The following ARHGEF28 variants were observed in gnomAD, a reference collection of about 807,000 sequenced individuals.
ARHGEF28 encodes Rho guanine nucleotide exchange factor 28, also known as 190 kDa guanine nucleotide exchange factor.
In ARHGEF28, 152 loss-of-function variants were observed where a neutral mutation model predicts 206.6. That is an observed-to-expected ratio of 0.74 (90% CI 0.64 to 0.84). ARHGEF28 has a LOEUF of 0.84. Among genes scored for constraint, ARHGEF28 ranks in the 40% least tolerant of loss-of-function variants. ARHGEF28 has a pLI of 0.00. For missense variants in ARHGEF28, 2,028 were observed against 2,073.2 expected, an observed-to-expected ratio of 0.98 and a Z score of 0.42; for synonymous variants, 763 against 776.4, an observed-to-expected ratio of 0.98 and a Z score of 0.29.
At chr5:73,792,662 T>TTA (rs1554064149) in intron 7 of ARHGEF28, among the ~76,000 whole-genome samples, 3 of 150,462 alleles carry the variant, frequency 2.0e-5, no homozygotes, top group Non-Finnish European at 4.4e-5. Flanking sequence ...TTTTTTTTTT[T>TTA]AACGCCTTTG....
intron 24 of ARHGEF28, among the ~76,000 whole-genome samples, chr5:73,885,474 ATTT>A (rs747988864): frequency 1.4e-5 from 2 of 138,068 alleles, no homozygotes; most frequent in Middle Eastern, 3.8e-3. Flanking sequence ...ATAGGATTTA[ATTT>A]TTTTTTTTTT....
Position 73,898,186 on chromosome 5 carries a change from T to C in ARHGEF28, c.3973+93T>C, listed in dbSNP as rs563312725. The C allele has an allele frequency of 1.2e-5, 17 of 1,441,232 alleles. No homozygotes were observed. In the South Asian group the frequency reaches 1.6e-4, roughly 14 times the overall value. 89.3% of individuals were successfully genotyped at this position (1,441,232 alleles called of 1,614,324 possible). ...AAGTAAAGGCAATGACTGTCTCTGGTTGAAGGGGACTTGATATATTTTTTT... is the reference window on the plus strand; with the variant it reads ...AAGTAAAGGCAATGACTGTCTCTGGCTGAAGGGGACTTGATATATTTTTTT... On this transcript the variant is annotated intron_variant, in intron 30 of 35. Transcript: ENST00000513042.
At chr5:73,636,560 C>G (rs1307284415) in intron 1 of ARHGEF28, among the ~76,000 whole-genome samples, 2 of 152,096 alleles carry the variant, frequency 1.3e-5, no homozygotes, top group African/African-American at 4.8e-5. Flanking sequence ...GAAAAACAGT[C>G]TCTTTAGTGT....
intron 35 of ARHGEF28, among the ~76,000 whole-genome samples, chr5:73,930,467 T>C (rs904095502): frequency 1.3e-5 from 2 of 152,240 alleles, no homozygotes; most frequent in Non-Finnish European, 2.9e-5. Flanking sequence ...TCACTCTTAA[T>C]TATATAGACA....
chr5:73,683,632 CCG>C (rs1281262048), intron 1 of ARHGEF28, among the ~76,000 whole-genome samples: 3 of 152,006 alleles, frequency 2.0e-5, no homozygotes, highest in Non-Finnish European at 4.4e-5. Flanking sequence ...GGCAGGCACA[CCG>C]AGAGGCAGAT....
chr5:73,940,858 C>G lies in ARHGEF28; in HGVS notation c.4963C>G (p.His1655Asp). The change falls in exon 36 of 36, where the codon CAC becomes GAC. Residue 1655 changes from histidine (H) to aspartate (D), a missense_variant. His to Asp is a moderately conservative substitution (Grantham distance 81). Around this residue, in one of 3 missense-constraint regions of ARHGEF28, gnomAD observed 803 missense variants for 768.0 expected, o/e 1.05. Coordinates refer to ENST00000513042, the MANE Select transcript of ARHGEF28 (RefSeq NM_001177693.2). ...GTTTCTTGCAGATTTGGACACCTCC[C>G]ACACTGAGTCCCCAACCCCCCATGA... ...DSCKNDLDTS[H>D]TESPTPHDSN... The G allele has an allele frequency of 2.6e-6, 4 of 1,518,106 alleles. No homozygotes were observed. The highest frequency in any genetic ancestry group is 3.5e-6 in the Non-Finnish European group (4 of 1,140,788). The allele number at this position is 1,518,106 out of a possible 1,614,324, so 94.0% of individuals were successfully genotyped here.
chr5:73,920,384 A>G (rs1252872189), intron 35 of ARHGEF28, among the ~76,000 whole-genome samples: 2 of 152,144 alleles, frequency 1.3e-5, no homozygotes, highest in Non-Finnish European at 2.9e-5. Context: ...GTATAGTACT[A>G]TATGTATCAG....
At chr5:73,765,617 G>C (rs1752851483) in intron 4 of ARHGEF28, among the ~76,000 whole-genome samples, 1 of 152,188 alleles carries the variant, frequency 6.6e-6, no homozygotes. Flanking sequence ...AAGAGTATCT[G>C]TATTTTATTC....
At chr5:73,826,457 T>C (rs1756910952) in intron 9 of ARHGEF28, among the ~76,000 whole-genome samples, 1 of 152,218 alleles carries the variant, frequency 6.6e-6, no homozygotes, top group African/African-American at 2.4e-5. Flanking sequence ...CGCTCTGGCA[T>C]CCAGAGTGGG....
At chr5:73,897,017 C>T (rs1169141154) in intron 29 of ARHGEF28, among the ~76,000 whole-genome samples, 1 of 152,206 alleles carries the variant, frequency 6.6e-6, no homozygotes, top group Non-Finnish European at 1.5e-5. Flanking sequence ...GAGTTATCTT[C>T]CGACAAAAAG....
chr5:73,780,784 T>A, intron 7 of ARHGEF28, 39 bp downstream of exon 7: 1 of 1,544,894 alleles, frequency 6.5e-7, no homozygotes, highest in Non-Finnish European at 8.8e-7. Context: ...AGCCACAGAG[T>A]GCTCTGGACC....
At chr5:73,853,174 T>C (rs895788050) in intron 14 of ARHGEF28, among the ~76,000 whole-genome samples, 2 of 152,266 alleles carry the variant, frequency 1.3e-5, no homozygotes, top group African/African-American at 4.8e-5. Flanking sequence ...ATCAGTTTCC[T>C]GGTTGAGATG....
intron 22 of ARHGEF28, among the ~76,000 whole-genome samples, chr5:73,881,912 A>G (rs1358111830): frequency 6.6e-6 from 1 of 152,180 alleles, no homozygotes; most frequent in Non-Finnish European, 1.5e-5. Context: ...GGTGTCTTTC[A>G]TCTTGGCTAA....
chr5:73,791,833 A>T (rs1754502272), intron 7 of ARHGEF28, among the ~76,000 whole-genome samples: 1 of 152,126 alleles, frequency 6.6e-6, no homozygotes, highest in South Asian at 2.1e-4. Flanking sequence ...TAGAGGAGTA[A>T]TCCTTACTTC....
At chr5:73,870,387 T>C (rs1760030852) in intron 21 of ARHGEF28, among the ~76,000 whole-genome samples, 178 bp downstream of exon 21, 1 of 152,200 alleles carries the variant, frequency 6.6e-6, no homozygotes, top group Admixed American at 6.5e-5. Context: ...AAAATGAGGA[T>C]AATATTAAAA....
intron 2 of ARHGEF28, among the ~76,000 whole-genome samples, chr5:73,722,338 A>C (rs1750009889): frequency 6.6e-6 from 1 of 152,208 alleles, no homozygotes; most frequent in African/African-American, 2.4e-5. Context: ...CTCTCTCTAA[A>C]ACTCAGAGAA....
intron 14 of ARHGEF28, among the ~76,000 whole-genome samples, chr5:73,853,222 A>G (rs1176826266): frequency 6.6e-6 from 1 of 152,224 alleles, no homozygotes; most frequent in African/African-American, 2.4e-5. Context: ...CTAGAAGGTA[A>G]AACTGTTGTT....
chr5:73,738,327 A>C (rs1365448042), intron 2 of ARHGEF28, among the ~76,000 whole-genome samples: 3 of 152,164 alleles, frequency 2.0e-5, no homozygotes, highest in African/African-American at 7.2e-5. Context: ...AGTTTGCTGT[A>C]ATGTAAGGGG....
At chr5:73,820,416 C>T (rs1340898550) in intron 9 of ARHGEF28, among the ~76,000 whole-genome samples, 2 of 148,432 alleles carry the variant, frequency 1.3e-5, no homozygotes, top group East Asian at 4.0e-4. Flanking sequence ...TGGAAAGTCC[C>T]AATCCTTCAA....
Sources: gnomAD v4.1 joint callset for allele counts (sites outside exome capture counted in the v4.1 genomes callset) on GRCh38, gnomAD v4.1.1 for gene constraint, gnomAD v4.1.1 regional missense constraint, MANE v1.5 for transcripts, NCBI Gene and HGNC (gene_info 2026-07-23, HGNC 2026-07-21) for gene names.